FBXO34: variants seen among roughly 807,000 people sequenced by gnomAD.
FBXO34 encodes the protein F-box protein 34.
A neutral mutation model predicts 24.5 loss-of-function variants in FBXO34; 12 were observed. The ratio of observed to expected loss-of-function variants is 0.49; its 90% CI spans 0.31 to 0.79. The LOEUF (loss-of-function observed/expected upper bound fraction) is 0.79. FBXO34 is among the 30% of genes least tolerant of loss of function. The pLI, the probability that FBXO34 is intolerant of heterozygous loss-of-function variation, is 0.04. For missense variants in FBXO34, 823 were observed against 857.7 expected (o/e 0.96, Z 0.51); for synonymous variants, 320 against 311.9 (o/e 1.03, Z -0.27).
intron 1 of FBXO34, among the ~76,000 whole-genome samples, chr14:55,273,378 A>G (rs1474331708): frequency 2.0e-5 from 3 of 152,310 alleles, no homozygotes; most frequent in African/African-American, 7.2e-5. Context: ...TTTCCTGTAC[A>G]TGTTATTTTG....
At chr14:55,383,925 G>C in the FBXO34 span, among the ~76,000 whole-genome samples, 2 of 152,208 alleles carry the variant, frequency 1.3e-5, no homozygotes, top group African/African-American at 4.8e-5. Context: ...GTAGGAAGCA[G>C]GCAGTCTGGG....
chr14:55,293,466 A>G (rs1306156369), intron 1 of FBXO34, among the ~76,000 whole-genome samples: 1 of 152,208 alleles, frequency 6.6e-6, no homozygotes, highest in African/African-American at 2.4e-5. Flanking sequence ...TACAGGCATA[A>G]GCCACTGTAC....
intron 1 of FBXO34, among the ~76,000 whole-genome samples, chr14:55,349,692 C>T (rs749383110): frequency 2.0e-5 from 3 of 148,008 alleles, no homozygotes; most frequent in East Asian, 2.0e-4. Flanking sequence ...GCTGCAGCCT[C>T]TGCCCCTAGG....
chr14:55,288,033 CATTTCGG>C (rs1164882748), intron 1 of FBXO34, among the ~76,000 whole-genome samples: 2 of 152,134 alleles, frequency 1.3e-5, no homozygotes, highest in African/African-American at 2.4e-5. Context: ...GATTTTGGAC[CATTTCGG>C]ATTTCGGATT....
intron 1 of FBXO34, among the ~76,000 whole-genome samples, chr14:55,344,035 A>G (rs957422339): frequency 3.9e-5 from 6 of 152,274 alleles, no homozygotes; most frequent in African/African-American, 1.4e-4. Context: ...CCTTTACTGG[A>G]ATAAAGTTGC....
At chr14:55,369,153 A>ACTC (rs1884752273), downstream of FBXO34, 1 of 152,826 alleles carries the variant, frequency 6.5e-6, no homozygotes, top group Non-Finnish European at 1.5e-5. Context: ...TGGCAGAAAA[A>ACTC]CTCTTATTAA....
Position 55,304,403 on chromosome 14 carries a change from G to A in FBXO34, c.-11+32866G>A, listed in dbSNP as rs571063676. On this transcript the variant is annotated intron_variant, in intron 1 of 1. Coordinates refer to ENST00000313833, the MANE Select transcript of FBXO34 (RefSeq NM_017943.4). Reference sequence around the variant, plus strand: ...GAGACAGGATCTCACTATGTTGCCCGGGCTGGTATAAAACTCCTGGCCTCA... The same window carrying A: ...GAGACAGGATCTCACTATGTTGCCCAGGCTGGTATAAAACTCCTGGCCTCA... Among the ~76,000 whole-genome samples the A allele has an allele frequency of 4.0e-5, 6 of 151,466 alleles. 1 individual carries two copies. The highest frequency in any genetic ancestry group is 1.2e-4 in the African/African-American group (5 of 41,218).
At chr14:55,370,067 G>A (rs1000156089), downstream of FBXO34, 30 of 660,276 alleles carry the variant, frequency 4.5e-5, no homozygotes, top group African/African-American at 3.4e-4. Context: ...GCAGCACTCC[G>A]TGTTGACATA....
chr14:55,309,912 T>A (rs1419550137), intron 1 of FBXO34, among the ~76,000 whole-genome samples: 1 of 152,212 alleles, frequency 6.6e-6, no homozygotes, highest in African/African-American at 2.4e-5. Context: ...TGCATTGAGT[T>A]ACAATGAGTT....
intron 1 of FBXO34, among the ~76,000 whole-genome samples, chr14:55,333,574 T>G (rs1883671460): frequency 6.6e-6 from 1 of 152,212 alleles, no homozygotes; most frequent in South Asian, 2.1e-4. Flanking sequence ...AAATGTAAAC[T>G]TAACAGGATA....
At chr14:55,436,444 G>C in the FBXO34 span, 1 of 957,988 alleles carries the variant, frequency 1.0e-6, no homozygotes. Flanking sequence ...ATAAAACAAA[G>C]AATTATGAAA....
intron 1 of FBXO34, among the ~76,000 whole-genome samples, chr14:55,324,801 G>A (rs1883286298): frequency 6.6e-6 from 1 of 152,144 alleles, no homozygotes; most frequent in Non-Finnish European, 1.5e-5. Context: ...GCTTGTCTTA[G>A]TCTGTTTGGG....
At position 55,351,222 on chromosome 14, in the gene FBXO34, C is replaced by T. The variant is rs776558460; in HGVS notation, c.832C>T (p.Arg278Cys). Reference protein sequence around the residue: ...EVGEPQSEPVRVLDMVAKLES... With the variant: ...EVGEPQSEPVCVLDMVAKLES... The stretch of plus-strand genomic sequence containing the variant: ...TGGTGAACCACAGAGCGAACCAGTC[C>T]GTGTCCTTGACATGGTAGCCAAGTT... The change falls in exon 2 of 2, where the codon CGT (arginine) becomes TGT (cysteine). Residue 278 changes from arginine (R) to cysteine (C), a missense_variant. By Grantham distance (180) the Arg-to-Cys change is radical. Around this residue, in one of 2 missense-constraint regions of FBXO34, gnomAD observed 693 missense variants for 659.1 expected, o/e 1.05. Coordinates refer to ENST00000313833, the MANE Select transcript of FBXO34 (RefSeq NM_017943.4). 28 of 1,614,056 alleles carry T rather than the reference C, an allele frequency of 1.7e-5. No individual in the cohort carries two copies. The highest frequency in any genetic ancestry group is 2.7e-5 in the African/African-American group (2 of 74,918).
At chr14:55,301,376 C>T (rs889114209) in intron 1 of FBXO34, among the ~76,000 whole-genome samples, 8 of 151,840 alleles carry the variant, frequency 5.3e-5, no homozygotes, top group African/African-American at 1.9e-4. Context: ...GGTCAAGGCT[C>T]CAGTGAACTG....
At chr14:55,410,444 G>A in the FBXO34 span, among the ~76,000 whole-genome samples, 1 of 152,130 alleles carries the variant, frequency 6.6e-6, no homozygotes, top group African/African-American at 2.4e-5. Flanking sequence ...AATTTTTAAA[G>A]CTATCACTTA....
chr14:55,287,348 AT>A (rs1377471438), intron 1 of FBXO34, among the ~76,000 whole-genome samples: 2 of 152,248 alleles, frequency 1.3e-5, no homozygotes, highest in African/African-American at 4.8e-5. Flanking sequence ...GTCTGTAGTT[AT>A]TTAGCATCAC....
chr14:55,345,132 A>C (rs1884117794), intron 1 of FBXO34, among the ~76,000 whole-genome samples: 1 of 152,038 alleles, frequency 6.6e-6, no homozygotes. Context: ...CCCAACATTT[A>C]TTAAAGTGAA....
chr14:55,281,729 G>A (rs952617803), intron 1 of FBXO34, among the ~76,000 whole-genome samples: 3 of 152,072 alleles, frequency 2.0e-5, no homozygotes, highest in Non-Finnish European at 2.9e-5. Flanking sequence ...AATTTCTATG[G>A]TGTATATTGA....
chr14:55,371,629 CCT>C (rs1884819203), downstream of FBXO34, among the ~76,000 whole-genome samples: 1 of 152,032 alleles, frequency 6.6e-6, no homozygotes, highest in African/African-American at 2.4e-5. Context: ...ACAGTGAAAC[CCT>C]GTCTCTACTA....
Sources: allele counts gnomAD v4.1 joint callset (sites outside exome capture counted in the v4.1 genomes callset), GRCh38; gene constraint gnomAD v4.1.1; regional missense constraint gnomAD v4.1.1; transcripts MANE v1.5; gene names NCBI Gene and HGNC (gene_info 2026-07-23, HGNC 2026-07-21).